Variants in CDK14 observed in about 807,000 individuals in gnomAD.
CDK14 encodes the protein cyclin dependent kinase 14.
In CDK14, 34 loss-of-function variants were observed where a neutral mutation model predicts 60.7. That is an observed-to-expected ratio of 0.56 (90% CI 0.43 to 0.75). The LOEUF is 0.75. Ranked by LOEUF, CDK14 falls within the 30% of genes least tolerant of loss-of-function variation. The probability of loss-of-function intolerance (pLI) is 0.00; values close to 1 mark genes in which losing one functional copy is unlikely to be tolerated. For missense variants in CDK14, 482 were observed against 564.1 expected (o/e 0.85, Z 1.47); for synonymous variants, 197 against 203.7 (o/e 0.97, Z 0.28).
At chr7:90,991,796 T>C (rs1327524082) in intron 10 of CDK14, among the ~76,000 whole-genome samples, 1 of 152,188 alleles carries the variant, frequency 6.6e-6, no homozygotes, top group Non-Finnish European at 1.5e-5. Flanking sequence ...TTCTCCTTGA[T>C]GTTTTGGTGA....
chr7:90,947,398 A>G (rs1395206910), intron 8 of CDK14, among the ~76,000 whole-genome samples: 2 of 152,126 alleles, frequency 1.3e-5, no homozygotes, highest in African/African-American at 4.8e-5. Context: ...CACTACCTGC[A>G]TTTTCCCAGC....
intron 8 of CDK14, among the ~76,000 whole-genome samples, chr7:90,949,350 G>A (rs368108103): frequency 3.3e-5 from 5 of 151,774 alleles, no homozygotes; most frequent in African/African-American, 4.8e-5. Flanking sequence ...ACAGGCGCCC[G>A]CCACCACACT....
At chr7:90,787,545 G>A (rs1307084973) in intron 4 of CDK14, among the ~76,000 whole-genome samples, 1 of 152,074 alleles carries the variant, frequency 6.6e-6, no homozygotes, top group Non-Finnish European at 1.5e-5. Flanking sequence ...GGTATGATGA[G>A]GAAAATGTTA....
At chr7:90,762,246 A>C (rs1804345948) in intron 4 of CDK14, among the ~76,000 whole-genome samples, 1 of 152,100 alleles carries the variant, frequency 6.6e-6, no homozygotes, top group Non-Finnish European at 1.5e-5. Flanking sequence ...TTTTATACCA[A>C]ATGAAGGAGC....
At chr7:90,600,225 C>G (rs1799286272) in intron 1 of CDK14, among the ~76,000 whole-genome samples, 1 of 152,164 alleles carries the variant, frequency 6.6e-6, no homozygotes, top group African/African-American at 2.4e-5. Flanking sequence ...ACAGTTGTCT[C>G]ACACTTTTTT....
At chr7:90,930,860 A>C (rs3808246) in intron 8 of CDK14, among the ~76,000 whole-genome samples, 2 of 152,098 alleles carry the variant, frequency 1.3e-5, no homozygotes, top group East Asian at 3.8e-4. Flanking sequence ...TTGTGCTTGT[A>C]ATATTAGCTT....
chr7:90,637,577 G>C (rs927569891), intron 2 of CDK14, among the ~76,000 whole-genome samples: 1 of 151,864 alleles, frequency 6.6e-6, no homozygotes, highest in Non-Finnish European at 1.5e-5. Flanking sequence ...TTTTGGAATA[G>C]GTGTGGTGTG....
At chr7:91,115,364 A>G (rs897180283) in intron 13 of CDK14, among the ~76,000 whole-genome samples, 1 of 152,168 alleles carries the variant, frequency 6.6e-6, no homozygotes, top group African/African-American at 2.4e-5. Context: ...GTGTCTTCAC[A>G]GGGTGGAGAG....
chr7:91,115,319 G>A (rs1228800501), intron 13 of CDK14, among the ~76,000 whole-genome samples: 3 of 152,156 alleles, frequency 2.0e-5, no homozygotes, highest in Admixed American at 6.6e-5. Flanking sequence ...TTCCTGGTAA[G>A]GTCTTTCTTC....
intron 10 of CDK14, among the ~76,000 whole-genome samples, chr7:91,039,577 C>T (rs1380517753): frequency 6.6e-6 from 1 of 152,128 alleles, no homozygotes; most frequent in South Asian, 2.1e-4. Context: ...ATATCCTTTG[C>T]CTACTCTAGA....
chr7:90,833,512 C>T (rs964534408), intron 5 of CDK14, among the ~76,000 whole-genome samples: 7 of 152,092 alleles, frequency 4.6e-5, no homozygotes, highest in Non-Finnish European at 8.8e-5. Flanking sequence ...TCTCTTGTGT[C>T]TAGTTCAAAA....
intron 11 of CDK14, among the ~76,000 whole-genome samples, chr7:91,078,111 C>T (rs577972287): frequency 6.6e-5 from 10 of 152,118 alleles, no homozygotes; most frequent in African/African-American, 2.2e-4. Context: ...ATATGCATAC[C>T]GTTTGCCAAG....
Position 90,965,481 on chromosome 7 carries a change from A to T in CDK14, c.947+9664A>T, listed in dbSNP as rs144909089. On this transcript the variant is annotated intron_variant, in intron 9 of 14. Coordinates refer to ENST00000380050, the MANE Select transcript of CDK14 (RefSeq NM_001287135.2). ...CTAGTTGTCAGTAGACACTAATAAC[A>T]CTTAGGTCTTAGTTGGAGAGGGAGT... Among the ~76,000 whole-genome samples the T allele has an allele frequency of 7.7e-3, 1,170 of 152,280 alleles. 13 individuals are homozygous for T. Among genetic ancestry groups the T allele is most frequent in the Non-Finnish European group, 0.012 (814 of 68,018 alleles).
intron 4 of CDK14, among the ~76,000 whole-genome samples, chr7:90,770,081 C>T (rs1168588267): frequency 1.3e-5 from 2 of 152,170 alleles, no homozygotes; most frequent in African/African-American, 2.4e-5. Context: ...AAGACCTTGC[C>T]AGTTGGCCTT....
chr7:91,041,283 G>A (rs1797083628), intron 10 of CDK14, among the ~76,000 whole-genome samples: 1 of 151,634 alleles, frequency 6.6e-6, no homozygotes, highest in African/African-American at 2.4e-5. Flanking sequence ...TTTGTAGCTT[G>A]CATTTTGGCA....
chr7:90,856,627 C>G (rs971406680), intron 5 of CDK14, among the ~76,000 whole-genome samples: 3 of 152,196 alleles, frequency 2.0e-5, no homozygotes, highest in Non-Finnish European at 4.4e-5. Flanking sequence ...AACAAGCAAT[C>G]CTGTCTCTTT....
intron 2 of CDK14, among the ~76,000 whole-genome samples, chr7:90,637,943 A>G (rs1256422961): frequency 6.8e-6 from 1 of 147,048 alleles, no homozygotes; most frequent in African/African-American, 2.5e-5. Flanking sequence ...TTTATCAGAG[A>G]CTAGGATTGC....
At chr7:91,162,633 C>G (rs1184769349) in intron 14 of CDK14, among the ~76,000 whole-genome samples, 1 of 152,210 alleles carries the variant, frequency 6.6e-6, no homozygotes, top group Non-Finnish European at 1.5e-5. Context: ...TACTTACTGA[C>G]TCTGTAACTT....
intron 3 of CDK14, among the ~76,000 whole-genome samples, chr7:90,730,624 T>G (rs1461709249): frequency 6.6e-6 from 1 of 152,190 alleles, no homozygotes. Flanking sequence ...GAGCTTTTTT[T>G]CATGTTTGTT....
Sources: allele counts gnomAD v4.1 joint callset (sites outside exome capture counted in the v4.1 genomes callset), GRCh38; gene constraint gnomAD v4.1.1; transcripts MANE v1.5; gene names NCBI Gene and HGNC (gene_info 2026-07-23, HGNC 2026-07-21).